Variants in XYLB observed in about 807,000 individuals in gnomAD.
XYLB encodes xylulose kinase.
XYLB carries 62 observed loss-of-function variants against 78.7 expected under a neutral mutation model. The observed-to-expected ratio is 0.79, with a 90% CI of 0.64 to 0.97. XYLB has a LOEUF of 0.97. Among genes scored for constraint, XYLB ranks in the 50% least tolerant of loss-of-function variants. The probability of loss-of-function intolerance (pLI) is 0.00; values close to 1 mark genes in which losing one functional copy is unlikely to be tolerated. For missense variants in XYLB, 687 were observed against 676.8 expected (o/e 1.02, Z -0.17); for synonymous variants, 245 against 247.4 (o/e 0.99, Z 0.09).
At chr3:38,370,898 A>G (rs1706521267) in intron 9 of XYLB, among the ~76,000 whole-genome samples, 1 of 152,122 alleles carries the variant, frequency 6.6e-6, no homozygotes, top group Non-Finnish European at 1.5e-5. Context: ...AGAGAAAAAG[A>G]TCTGGGTGCT....
At chr3:38,398,915 C>T (rs962592875) in intron 17 of XYLB, among the ~76,000 whole-genome samples, 1 of 151,562 alleles carries the variant, frequency 6.6e-6, no homozygotes, top group Non-Finnish European at 1.5e-5. Flanking sequence ...GCCTGTAGTC[C>T]CAGCTACTCG....
At chr3:38,346,958 G>A in intron 1 of XYLB, 33 bp downstream of exon 1, 2 of 1,426,806 alleles carry the variant, frequency 1.4e-6, no homozygotes, top group South Asian at 1.4e-5. Context: ...CCACGGGGCC[G>A]CCTCCTCCGC....
chr3:38,375,408 G>C, intron 12 of XYLB, 149 bp downstream of exon 12: 1 of 682,008 alleles, frequency 1.5e-6, no homozygotes, highest in Non-Finnish European at 2.5e-6. Flanking sequence ...AGACCCCCAA[G>C]GACTCACCAG....
At chr3:38,417,284 A>G (rs973406730), downstream of XYLB, among the ~76,000 whole-genome samples, 1 of 152,090 alleles carries the variant, frequency 6.6e-6, no homozygotes, top group Admixed American at 6.5e-5. Context: ...AAAATTAGCC[A>G]GGCATGGTGG....
At chr3:38,427,738 G>A in the XYLB span, among the ~76,000 whole-genome samples, 22 of 151,874 alleles carry the variant, frequency 1.4e-4, no homozygotes, top group Non-Finnish European at 2.2e-4. Context: ...GACTACAGGC[G>A]CCCACCACCA....
At chr3:38,366,961 T>C in intron 7 of XYLB, 88 bp downstream of exon 7, 1 of 865,188 alleles carries the variant, frequency 1.2e-6, no homozygotes, top group Non-Finnish European at 1.9e-6. Context: ...GTGCAGTGAC[T>C]GAAAACATTG....
intron 18 of XYLB, among the ~76,000 whole-genome samples, chr3:38,403,698 A>G (rs1575533657): frequency 6.6e-6 from 1 of 152,084 alleles, no homozygotes; most frequent in East Asian, 1.9e-4. Flanking sequence ...TGGCTCTTTC[A>G]TTCTATCTAG....
chr3:38,441,568 C>A, the XYLB span, among the ~76,000 whole-genome samples: 13 of 152,158 alleles, frequency 8.5e-5, no homozygotes, highest in African/African-American at 3.1e-4. Flanking sequence ...GGGTTGAGGG[C>A]TGCACACATG....
chr3:38,358,769 C>T (rs1232280348), intron 2 of XYLB, among the ~76,000 whole-genome samples: 1 of 152,116 alleles, frequency 6.6e-6, no homozygotes, highest in African/African-American at 2.4e-5. Flanking sequence ...TGCTCTCTTC[C>T]TCTTTTTCCC....
At chr3:38,446,318 A>C in the XYLB span, among the ~76,000 whole-genome samples, 7 of 152,112 alleles carry the variant, frequency 4.6e-5, no homozygotes, top group Non-Finnish European at 8.8e-5. Flanking sequence ...ACAGACTTCT[A>C]GGTAACCACA....
At position 38,361,688 on chromosome 3, in the gene XYLB, G is replaced by A. The variant is rs575003007; in HGVS notation, c.211-1249G>A. Among the ~76,000 whole-genome samples the A allele has an allele frequency of 9.4e-4, 143 of 152,234 alleles. 1 individual carries two copies. Among genetic ancestry groups the A allele is most frequent in the African/African-American group, 3.3e-3 (137 of 41,554 alleles). On this transcript the variant is annotated intron_variant, in intron 3 of 18. Transcript: ENST00000207870. ...TGGGTGAGAACCAGGCTTGGGGGCA[G>A]GGCCAAGGTGATTTCTGATCTGACG...
chr3:38,448,137 C>A, the XYLB span, among the ~76,000 whole-genome samples: 1 of 150,912 alleles, frequency 6.6e-6, no homozygotes, highest in Non-Finnish European at 1.5e-5. Flanking sequence ...CTAAGCCAGG[C>A]ACAACAAGAC....
downstream of XYLB, among the ~76,000 whole-genome samples, chr3:38,418,118 C>T (rs1387387487): frequency 6.7e-6 from 1 of 149,380 alleles, no homozygotes; most frequent in Non-Finnish European, 1.5e-5. Context: ...TCACTTGAAC[C>T]TGGGAAGTGG....
In XYLB at chr3:38,408,835, GGAA is replaced by G. The variant is rs1708448315; in HGVS notation, c.1534-4096_1534-4094del. Among the ~76,000 whole-genome samples the G allele has an allele frequency of 2.6e-5, 4 of 152,158 alleles. No homozygotes were observed. The South Asian group carries it at 8.3e-4, about 31-fold the overall frequency. The stretch of plus-strand genomic sequence containing the variant: ...CATACACCCTCCCAAGACTAAACCA[GGAA>G]GAAGTTGAATCTCTGAATAGACCAA... On this transcript the variant is annotated intron_variant, in intron 18 of 18. Coordinates refer to ENST00000207870, the MANE Select transcript of XYLB (RefSeq NM_005108.4).
chr3:38,366,968 A>G (rs2234617), intron 7 of XYLB, 95 bp downstream of exon 7: 772,622 of 828,832 alleles, frequency 0.93, 361,431 homozygotes, highest in East Asian at 1. Flanking sequence ...GACTGAAAAC[A>G]TTGATAAGCA....
chr3:38,443,093 G>C, the XYLB span, among the ~76,000 whole-genome samples: 1 of 152,204 alleles, frequency 6.6e-6, no homozygotes, highest in Non-Finnish European at 1.5e-5. Flanking sequence ...TTGAGGAGGT[G>C]GGAGAAATAC....
downstream of XYLB, among the ~76,000 whole-genome samples, chr3:38,422,733 T>C (rs774478375): frequency 2.6e-5 from 4 of 152,094 alleles, no homozygotes; most frequent in Non-Finnish European, 4.4e-5. Flanking sequence ...CCCCATTACA[T>C]AGAACAATTA....
At chr3:38,407,493 A>T (rs1165435241) in intron 18 of XYLB, among the ~76,000 whole-genome samples, 1 of 152,188 alleles carries the variant, frequency 6.6e-6, no homozygotes, top group Non-Finnish European at 1.5e-5. Flanking sequence ...CAAAATAACC[A>T]GCTAACATCA....
intron 9 of XYLB, among the ~76,000 whole-genome samples, chr3:38,370,869 GA>G (rs1706519765): frequency 6.6e-6 from 1 of 152,174 alleles, no homozygotes; most frequent in African/African-American, 2.4e-5. Context: ...GTCCTGTGGG[GA>G]CAGTGGAGTA....
Sources: allele counts gnomAD v4.1 joint callset (sites outside exome capture counted in the v4.1 genomes callset), GRCh38; gene constraint gnomAD v4.1.1; transcripts MANE v1.5; gene names NCBI Gene and HGNC (gene_info 2026-07-23, HGNC 2026-07-21).